Variants in KIAA1755 observed in about 807,000 individuals in gnomAD.
KIAA1755 encodes the protein uncharacterized protein KIAA1755.
In KIAA1755, 68 loss-of-function variants were observed where a neutral mutation model predicts 91.7. The ratio of observed to expected loss-of-function variants is 0.74; its 90% CI spans 0.61 to 0.91. KIAA1755 has a LOEUF of 0.91. KIAA1755 is among the 40% of genes least tolerant of loss of function. KIAA1755 has a pLI of 0.00. For missense variants in KIAA1755, 1,535 were observed against 1,494.4 expected, an observed-to-expected ratio of 1.03 and a Z score of -0.45; for synonymous variants, 610 against 604.6, an observed-to-expected ratio of 1.01 and a Z score of -0.13.
intron 11 of KIAA1755, 84 bp from the exon 12 acceptor site, chr20:38,218,450 G>A: frequency 6.4e-7 from 1 of 1,560,654 alleles, no homozygotes; most frequent in Non-Finnish European, 8.7e-7. Context: ...TGCAGGCTGA[G>A]GTCTTCTGTC....
intron 12 of KIAA1755, 180 bp from the exon 13 acceptor site, chr20:38,217,654 G>A: frequency 1.7e-6 from 1 of 598,380 alleles, no homozygotes. Flanking sequence ...CTCCTGGTGA[G>A]GGTTGAACAA....
At chr20:38,238,993 A>G (rs1386018156) in intron 4 of KIAA1755, among the ~76,000 whole-genome samples, 2 of 152,180 alleles carry the variant, frequency 1.3e-5, no homozygotes, top group African/African-American at 4.8e-5. Flanking sequence ...ATCAGCCCGA[A>G]GTTCCTGCAG....
Position 38,219,743 on chromosome 20 carries a change from A to G in KIAA1755, c.2443T>C (p.Leu815=). The change falls in exon 11 of 14, where the codon TTG becomes CTG. Residue 815 remains leucine (L), a synonymous_variant. Coordinates refer to ENST00000279024, the MANE Select transcript of KIAA1755 (RefSeq NM_001029864.2). Reference sequence around the variant, plus strand: ...AGCTGCTCGTCCACAAGGCTGTACAAGGCAGTGGCTGCAGCCAGATGGCTC... The same window carrying G: ...AGCTGCTCGTCCACAAGGCTGTACAGGGCAGTGGCTGCAGCCAGATGGCTC... ...VRSHLAAATA[L]YSLVDEQLHV... 6.2e-7 allele frequency: 1 copy of G among 1,614,156 alleles called. No individual in the cohort carries two copies. Among genetic ancestry groups the G allele is most frequent in the Non-Finnish European group, 8.5e-7 (1 of 1,180,028 alleles).
intron 1 of KIAA1755, among the ~76,000 whole-genome samples, chr20:38,252,634 C>G (rs995735923): frequency 6.6e-6 from 1 of 152,138 alleles, no homozygotes. Context: ...AGCTGCCTGT[C>G]CTTCCCAGTT....
intron 10 of KIAA1755, among the ~76,000 whole-genome samples, chr20:38,220,297 C>CTTT (rs35575614): frequency 2.9e-4 from 39 of 134,382 alleles, no homozygotes; most frequent in East Asian, 4.2e-4. Flanking sequence ...TGATGTTTCC[C>CTTT]TTTTTTTTTT....
chr20:38,218,512 C>A (rs2075593929), intron 11 of KIAA1755, 146 bp from the exon 12 acceptor site: 1 of 1,134,600 alleles, frequency 8.8e-7, no homozygotes, highest in African/African-American at 1.6e-5. Flanking sequence ...CTGAAATTCT[C>A]CCAATTCTGG....
chr20:38,248,011 T>G (rs1168138723), intron 1 of KIAA1755, among the ~76,000 whole-genome samples: 5 of 152,108 alleles, frequency 3.3e-5, no homozygotes. Flanking sequence ...GTGGATCCCT[T>G]GAGGTCAGGA....
Position 38,240,734 on chromosome 20 carries a change from G to T in KIAA1755, c.1397C>A (p.Pro466His), listed in dbSNP as rs752022833. ...CPSRNTSSPE[P>H]PTPGLKFSFL... ...TGAGAATTTGAGCCCAGGAGTGGGG[G>T]GCTCAGGGGAGGAGGTGTTTCTGCT... The change falls in exon 3 of 14, where the codon CCC becomes CAC. Residue 466 changes from proline (P) to histidine (H), a missense_variant. Pro to His is a moderately conservative substitution (Grantham distance 77, BLOSUM62 -2). Coordinates refer to ENST00000279024, the MANE Select transcript of KIAA1755 (RefSeq NM_001029864.2). 9 of 1,572,700 alleles carry T rather than the reference G, an allele frequency of 5.7e-6. No individual in the cohort carries two copies. Among genetic ancestry groups the T allele is most frequent in the East Asian group, 2.2e-5 (1 of 44,512 alleles).
At chr20:38,229,992 A>G (rs759459615) in intron 5 of KIAA1755, among the ~76,000 whole-genome samples, 21 of 152,202 alleles carry the variant, frequency 1.4e-4, no homozygotes, top group Non-Finnish European at 2.2e-4. Flanking sequence ...ATGCATGAAG[A>G]TAGTTCCAGA....
chr20:38,255,530 C>T (rs895353850), intron 1 of KIAA1755, among the ~76,000 whole-genome samples: 2 of 152,188 alleles, frequency 1.3e-5, no homozygotes, highest in Non-Finnish European at 2.9e-5. Context: ...TACGGCCCAG[C>T]GGGTGTCAGG....
chr20:38,250,402 C>T (rs999670508), intron 1 of KIAA1755, among the ~76,000 whole-genome samples: 1 of 151,864 alleles, frequency 6.6e-6, no homozygotes, highest in South Asian at 2.1e-4. Context: ...ATTCTCTGCA[C>T]AGGACTAGAA....
intron 13 of KIAA1755, chr20:38,217,016 G>T (rs886703973): frequency 1.5e-6 from 1 of 666,958 alleles, no homozygotes; most frequent in Admixed American, 2.1e-5. Context: ...CTTGGGGAGT[G>T]AATCACGATG....
Position 38,239,612 on chromosome 20 carries a change from G to A in KIAA1755, c.1663C>T (p.Leu555=), listed in dbSNP as rs748224027. ...TCAGGCCCTGGGGGCTCCTCCTCCAGGGTGGGGCCTCTTTCTGGGGAGCCT... is the reference window on the plus strand; with the variant it reads ...TCAGGCCCTGGGGGCTCCTCCTCCAAGGTGGGGCCTCTTTCTGGGGAGCCT... ...SAGSPERGPT[L]EEEPPGPEPR... Residue 555 remains leucine, a synonymous_variant, in exon 4 of 14, where the codon CTG becomes TTG. Coordinates refer to ENST00000279024, the MANE Select transcript of KIAA1755 (RefSeq NM_001029864.2). 1.2e-6 allele frequency: 2 copies of A among 1,606,114 alleles called. No individual in the cohort carries two copies. Among genetic ancestry groups the A allele is most frequent in the African/African-American group, 2.7e-5 (2 of 74,314 alleles).
At chr20:38,231,415 C>T (rs1014102913) in intron 4 of KIAA1755, 90 bp from the exon 5 acceptor site, 20 of 1,384,782 alleles carry the variant, frequency 1.4e-5, no homozygotes, top group Middle Eastern at 2.6e-4. Flanking sequence ...TTGGCCGTAA[C>T]GGTTCCTTTG....
intron 1 of KIAA1755, 27 bp from the exon 2 acceptor site, chr20:38,246,153 T>A (rs2076157445): frequency 6.3e-7 from 1 of 1,585,562 alleles, no homozygotes; most frequent in Non-Finnish European, 8.6e-7. Context: ...GAGGGGGTGA[T>A]AATAGCAATG....
At chr20:38,227,797 T>C (rs2075786954) in intron 6 of KIAA1755, among the ~76,000 whole-genome samples, 1 of 152,246 alleles carries the variant, frequency 6.6e-6, no homozygotes, top group Admixed American at 6.5e-5. Flanking sequence ...AAGTCAGAGC[T>C]GCTGGGAGCC....
rs1406681309 is a variant in KIAA1755 at position 38,213,633 on chromosome 20, T to C, written c.3012A>G (p.Arg1004=). 1.9e-6 allele frequency: 3 copies of C among 1,611,132 alleles called. No homozygotes were observed. Among genetic ancestry groups the C allele is most frequent in the Admixed American group, 1.7e-5 (1 of 59,862 alleles). The change falls in exon 14 of 14, where the codon CGA becomes CGG. Residue 1004 remains arginine, a synonymous_variant. Transcript: ENST00000279024. ...TCTCAGCAGGGAACTCAGATGCCAG[T>C]CGCTGCAGGTAGCGGTGGAGGCGGC... The part of the protein sequence containing the change: ...DQRRLHRYLQ[R]LASEFPAEKL...
intron 1 of KIAA1755, among the ~76,000 whole-genome samples, chr20:38,256,386 TG>T (rs2076339081): frequency 6.6e-6 from 1 of 152,272 alleles, no homozygotes; most frequent in Non-Finnish European, 1.5e-5. Flanking sequence ...CCAATCATCA[TG>T]GGCCCCTTTC....
At chr20:38,260,220 C>T (rs2076422227) in intron 1 of KIAA1755, 1 of 1,479,236 alleles carries the variant, frequency 6.8e-7, no homozygotes. Context: ...GAGATTCAGG[C>T]TCAGGTCTAG....
Sources: allele counts gnomAD v4.1 joint callset (sites outside exome capture counted in the v4.1 genomes callset), GRCh38; gene constraint gnomAD v4.1.1; transcripts MANE v1.5; gene names NCBI Gene and HGNC (gene_info 2026-07-23, HGNC 2026-07-21).